The following CDK14 variants were observed in gnomAD, a reference collection of about 807,000 sequenced individuals.
The protein encoded by CDK14 is cyclin dependent kinase 14.
In CDK14, 34 loss-of-function variants were observed where a neutral mutation model predicts 60.7. The ratio of observed to expected loss-of-function variants is 0.56; its 90% CI spans 0.43 to 0.75. The LOEUF (loss-of-function observed/expected upper bound fraction) is 0.75. Ranked by LOEUF, CDK14 falls within the 30% of genes least tolerant of loss-of-function variation. The pLI is 0.00. For missense variants in CDK14, 482 were observed against 564.1 expected (o/e 0.85, Z 1.47); for synonymous variants, 197 against 203.7 (o/e 0.97, Z 0.28).
At chr7:90,738,397 A>G (rs758285694) in intron 3 of CDK14, among the ~76,000 whole-genome samples, 3 of 152,214 alleles carry the variant, frequency 2.0e-5, no homozygotes, top group Non-Finnish European at 2.9e-5. Flanking sequence ...TTACACAGAC[A>G]ATGAACTAGA....
intron 6 of CDK14, among the ~76,000 whole-genome samples, chr7:90,888,173 A>G (rs1471541099): frequency 6.6e-6 from 1 of 151,934 alleles, no homozygotes; most frequent in Non-Finnish European, 1.5e-5. Flanking sequence ...AGCATGGTGA[A>G]CCCCCCTCTC....
chr7:90,646,292 A>G (rs1800465283), intron 2 of CDK14, among the ~76,000 whole-genome samples: 2 of 131,178 alleles, frequency 1.5e-5, no homozygotes, highest in Admixed American at 8.2e-5. Context: ...TACTGACAGT[A>G]TGAAGGACTT....
At chr7:90,827,519 G>A (rs927249517) in intron 5 of CDK14, among the ~76,000 whole-genome samples, 22 of 152,166 alleles carry the variant, frequency 1.4e-4, no homozygotes, top group Non-Finnish European at 5.9e-5. Flanking sequence ...ATAGATGAAG[G>A]TCAAGAAAAA....
At chr7:90,918,795 GT>G (rs1562828028) in intron 8 of CDK14, among the ~76,000 whole-genome samples, 5 of 152,116 alleles carry the variant, frequency 3.3e-5, no homozygotes, top group Admixed American at 2.0e-4. Context: ...TTATTTCAAG[GT>G]TAGTAGACTG....
intron 14 of CDK14, among the ~76,000 whole-genome samples, chr7:91,167,075 G>C (rs1801368452): frequency 6.6e-6 from 1 of 152,050 alleles, no homozygotes; most frequent in South Asian, 2.1e-4. Flanking sequence ...CCCCCTAAAA[G>C]GTCACTGGAT....
chr7:90,616,382 C>T (rs1343048963), intron 2 of CDK14, among the ~76,000 whole-genome samples: 2 of 152,078 alleles, frequency 1.3e-5, no homozygotes, highest in Admixed American at 6.6e-5. Context: ...TATAGGTGCT[C>T]GTTTATTTTA....
At chr7:90,784,978 T>C (rs1417243693) in intron 4 of CDK14, among the ~76,000 whole-genome samples, 1 of 152,176 alleles carries the variant, frequency 6.6e-6, no homozygotes, top group African/African-American at 2.4e-5. Context: ...TCTGAAAATA[T>C]TGTCCTTGCC....
intron 13 of CDK14, among the ~76,000 whole-genome samples, chr7:91,113,985 G>C (rs555646246): frequency 6.6e-6 from 1 of 152,092 alleles, no homozygotes; most frequent in South Asian, 2.1e-4. Context: ...TCTACTCACT[G>C]ACTATTACAA....
intron 11 of CDK14, among the ~76,000 whole-genome samples, chr7:91,046,692 G>GT (rs200683615): frequency 0.017 from 2,532 of 150,644 alleles, 60 homozygotes; most frequent in African/African-American, 0.058. Flanking sequence ...TGGTTGTTGT[G>GT]TTTTTTTTTC....
At chr7:91,156,218 T>C (rs1361481254) in intron 14 of CDK14, among the ~76,000 whole-genome samples, 2 of 152,222 alleles carry the variant, frequency 1.3e-5, no homozygotes, top group Non-Finnish European at 2.9e-5. Context: ...TTTAATTTAA[T>C]TTGAAATATA....
intron 2 of CDK14, among the ~76,000 whole-genome samples, chr7:90,635,147 AT>A (rs1208235920): frequency 1.3e-5 from 2 of 151,940 alleles, no homozygotes; most frequent in African/African-American, 2.4e-5. Flanking sequence ...ATTAGATCCC[AT>A]TTGTCAATTT....
intron 12 of CDK14, among the ~76,000 whole-genome samples, chr7:91,101,662 C>T (rs949802654): frequency 5.3e-5 from 8 of 152,170 alleles, no homozygotes; most frequent in Non-Finnish European, 1.0e-4. Context: ...AATGTAACTA[C>T]GAGTCTTGCT....
chr7:90,974,961 C>G (rs1795027180), intron 9 of CDK14, among the ~76,000 whole-genome samples: 1 of 152,164 alleles, frequency 6.6e-6, no homozygotes, highest in Non-Finnish European at 1.5e-5. Context: ...TAACCCCTAT[C>G]AATCATTTGG....
At chr7:90,748,232 T>C (rs954879468) in intron 4 of CDK14, among the ~76,000 whole-genome samples, 17 of 152,334 alleles carry the variant, frequency 1.1e-4, no homozygotes, top group Non-Finnish European at 1.5e-5. Flanking sequence ...CTTTTCTTTT[T>C]CTTTCTTCCT....
chr7:90,639,866 T>G (rs1397137270), intron 2 of CDK14, among the ~76,000 whole-genome samples: 1 of 152,128 alleles, frequency 6.6e-6, no homozygotes, highest in African/African-American at 2.4e-5. Context: ...TGCAGTTTGA[T>G]CTCAGACTGC....
chr7:91,060,935 G>T (rs1797764763), intron 11 of CDK14, among the ~76,000 whole-genome samples: 1 of 152,138 alleles, frequency 6.6e-6, no homozygotes. Context: ...TCCTGAGTCT[G>T]AATTTTGGCC....
chr7:90,874,195 A>G (rs1051053061), intron 6 of CDK14, among the ~76,000 whole-genome samples: 2 of 151,962 alleles, frequency 1.3e-5, no homozygotes, highest in African/African-American at 4.8e-5. Context: ...GACAATTTCT[A>G]ATAGCTTCCT....
rs151291381 is a variant in CDK14, at chr7:91,105,164, C to G, written c.1155-7378C>G. On this transcript the variant is annotated intron_variant, in intron 12 of 14. Coordinates refer to ENST00000380050, the MANE Select transcript of CDK14 (RefSeq NM_001287135.2). ...CCAAGAATGAAGAAAGACAGGAAAC[C>G]AGAAGAATAATCAAATGCTAAAGTT... is the stretch of plus-strand genomic sequence containing the variant. Among the ~76,000 whole-genome samples the G allele has an allele frequency of 2.9e-3, 445 of 152,198 alleles. 2 individuals carry two copies. Among genetic ancestry groups the G allele is most frequent in the African/African-American group, 0.01 (425 of 41,532 alleles).
At chr7:91,033,098 A>G (rs545436801) in intron 10 of CDK14, among the ~76,000 whole-genome samples, 1 of 152,302 alleles carries the variant, frequency 6.6e-6, no homozygotes, top group East Asian at 1.9e-4. Flanking sequence ...ATTGGCCTCA[A>G]GTTTGCAGCT....
Sources: allele counts gnomAD v4.1 joint callset (sites outside exome capture counted in the v4.1 genomes callset), GRCh38; gene constraint gnomAD v4.1.1; transcripts MANE v1.5; gene names NCBI Gene and HGNC (gene_info 2026-07-23, HGNC 2026-07-21).